Variants in ZNF729 observed in about 807,000 individuals in gnomAD.
ZNF729 encodes zinc finger protein 729.
A neutral mutation model predicts 12.2 loss-of-function variants in ZNF729; 15 were observed. The ratio of observed to expected loss-of-function variants is 1.23; its 90% CI spans 0.82 to 1.89. The LOEUF is 1.89. Among genes scored for constraint, ZNF729 ranks in the 40% most tolerant of loss-of-function variants. ZNF729 has a pLI of 0.00. For missense variants in ZNF729, 1,540 were observed against 1,456.7 expected (o/e 1.06, Z -0.93); for synonymous variants, 492 against 476.3 (o/e 1.03, Z -0.43).
intron 3 of ZNF729, among the ~76,000 whole-genome samples, chr19:22,310,125 G>T (rs1007777826): frequency 1.3e-5 from 2 of 151,990 alleles, no homozygotes; most frequent in Non-Finnish European, 2.9e-5. Flanking sequence ...AAAGTCTAGG[G>T]TTTTCAAAGT....
Position 22,315,384 on chromosome 19 carries a change from AC to A in ZNF729, c.1968del (p.Tyr656Ter). On this transcript the variant is annotated frameshift_variant, in exon 4 of 4. Coordinates refer to ENST00000601693, the MANE Select transcript of ZNF729 (RefSeq NM_001242680.2). LOFTEE classifies it low-confidence loss of function (END_TRUNC). The stretch of plus-strand genomic sequence containing the variant: ...GCAATTCATACTGGAGAGAAACCTT[AC>A]AAATGTGAAGAATGTGGCAAAGCTT... ...HKAIHTGEKP[Y>X]KCEECGKAFS... is the part of the protein sequence containing the mutation. The A allele has an allele frequency of 6.2e-7, 1 of 1,613,494 alleles. No individual in the cohort carries two copies. The highest frequency in any genetic ancestry group is 1.3e-5 in the African/African-American group (1 of 75,022).
intron 1 of ZNF729, among the ~76,000 whole-genome samples, chr19:22,290,347 G>A (rs1968136439): frequency 6.6e-6 from 1 of 152,192 alleles, no homozygotes; most frequent in African/African-American, 2.4e-5. Flanking sequence ...TTGTTTTGTG[G>A]TAGTTTCTAG....
intron 3 of ZNF729, among the ~76,000 whole-genome samples, chr19:22,305,006 T>G (rs937061352): frequency 6.6e-6 from 1 of 152,222 alleles, no homozygotes; most frequent in Non-Finnish European, 1.5e-5. Flanking sequence ...CCTTCAAGTT[T>G]ACAATGAGAG....
chr19:22,307,958 C>G (rs1236279163), intron 3 of ZNF729, among the ~76,000 whole-genome samples: 1 of 151,618 alleles, frequency 6.6e-6, no homozygotes, highest in African/African-American at 2.4e-5. Flanking sequence ...GTTTTATGCA[C>G]TCATCACCCG....
At chr19:22,291,379 C>T (rs1327894360) in intron 1 of ZNF729, among the ~76,000 whole-genome samples, 1 of 152,102 alleles carries the variant, frequency 6.6e-6, no homozygotes, top group Non-Finnish European at 1.5e-5. Context: ...ACAGGATTCC[C>T]ACCTTCTTAC....
Position 22,315,723 on chromosome 19 carries a change from A to G in ZNF729, c.2306A>G (p.Lys769Arg), listed in dbSNP as rs771737512. The change falls in exon 4 of 4, where the codon AAA becomes AGA. Residue 769 changes from lysine (K) to arginine (R), a missense_variant. By Grantham distance (26) the Lys-to-Arg change is conservative. Transcript: ENST00000601693. ...ATTCATACTAGGGAGAAATTGTACA[A>G]ATGTGAAGAATGTGTCAAAGCTTTT... ...KVIHTREKLY[K>R]CEECVKAFNS... 11 of 1,605,602 alleles carry G rather than the reference A, an allele frequency of 6.9e-6. No homozygotes were observed. In the African/African-American group the frequency reaches 9.4e-5, roughly 14 times the overall value.
rs1968548639 is a variant in ZNF729, at chr19:22,316,673, A to G, written c.3256A>G (p.Lys1086Glu). ...ATGTGAAGAATGTGACAAAGCTTTTAAGCATTTCTCAGCCCTTAGAAAACA... is the reference window on the plus strand; with the variant it reads ...ATGTGAAGAATGTGACAAAGCTTTTGAGCATTTCTCAGCCCTTAGAAAACA... ...CKCEECDKAF[K>E]HFSALRKHKV... Residue 1086 changes from lysine (K) to glutamate (E), a missense_variant, in exon 4 of 4, where the codon AAG becomes GAG. By Grantham distance (56) the Lys-to-Glu change is moderately conservative. Coordinates refer to ENST00000601693, the MANE Select transcript of ZNF729 (RefSeq NM_001242680.2). 1 of 1,612,602 alleles carries G rather than the reference A, an allele frequency of 6.2e-7. No individual in the cohort carries two copies. Among genetic ancestry groups the G allele is most frequent in the Non-Finnish European group, 8.5e-7 (1 of 1,179,746 alleles).
intron 3 of ZNF729, among the ~76,000 whole-genome samples, chr19:22,309,907 T>C (rs1968430386): frequency 6.6e-6 from 1 of 152,012 alleles, no homozygotes; most frequent in African/African-American, 2.4e-5. Flanking sequence ...TAGTTTTCCT[T>C]GTAGAGATCT....
rs898060914 is a variant in ZNF729 at position 22,316,009 on chromosome 19, C to T, written c.2592C>T (p.Ser864=). 1 of 1,610,426 alleles carries T rather than the reference C, an allele frequency of 6.2e-7. No homozygotes were observed. Among genetic ancestry groups the T allele is most frequent in the African/African-American group, 1.3e-5 (1 of 74,560 alleles). The change falls in exon 4 of 4, where the codon TCC becomes TCT. Residue 864 remains serine (S), a synonymous_variant. Coordinates refer to ENST00000601693, the MANE Select transcript of ZNF729 (RefSeq NM_001242680.2). ...CEECGKAFSQ[S]SSLRKHEIIH... ...AATGTGGCAAAGCTTTTAGCCAATC[C>T]TCATCCCTTAGAAAACATGAGATAA...
intron 3 of ZNF729, among the ~76,000 whole-genome samples, chr19:22,307,316 ATTTTTTTTTTTTTT>A (rs35650592): frequency 1.0e-5 from 1 of 95,298 alleles, no homozygotes; most frequent in East Asian, 3.2e-4. Context: ...ACAATGTAGC[ATTTTTTTTTTTTTT>A]TTTTTTTTTT....
chr19:22,294,445 T>G (rs2145042869), intron 1 of ZNF729, among the ~76,000 whole-genome samples: 1 of 152,266 alleles, frequency 6.6e-6, no homozygotes, highest in African/African-American at 2.4e-5. Flanking sequence ...CCTTGGCTAC[T>G]CGGGCTCTTT....
In ZNF729 at chr19:22,316,509, A is replaced by C; in HGVS notation, c.3092A>C (p.Asn1031Thr). The change falls in exon 4 of 4, where the codon AAT becomes ACT. Residue 1031 changes from asparagine (N) to threonine (T), a missense_variant. By Grantham distance (65) the Asn-to-Thr change is moderately conservative. Coordinates refer to ENST00000601693, the MANE Select transcript of ZNF729 (RefSeq NM_001242680.2). Reference protein sequence around the residue: ...KCEECVKAFNNFSALMKHKII... With the variant: ...KCEECVKAFNTFSALMKHKII... ...GAAGAATGTGTCAAAGCTTTTAACAATTTCTCAGCCCTTATGAAACATAAG... is the reference window on the plus strand; with the variant it reads ...GAAGAATGTGTCAAAGCTTTTAACACTTTCTCAGCCCTTATGAAACATAAG... 1.2e-6 allele frequency: 2 copies of C among 1,613,584 alleles called. No individual in the cohort carries two copies. Among genetic ancestry groups the C allele is most frequent in the Non-Finnish European group, 1.7e-6 (2 of 1,179,678 alleles).
intron 1 of ZNF729, among the ~76,000 whole-genome samples, chr19:22,297,444 G>C (rs116416141): frequency 0.016 from 2,410 of 151,808 alleles, 77 homozygotes; most frequent in African/African-American, 0.055. Flanking sequence ...TTAGAAATAA[G>C]AGGATTTATT....
intron 1 of ZNF729, among the ~76,000 whole-genome samples, chr19:22,290,383 A>G (rs1003192893): frequency 6.6e-6 from 1 of 152,204 alleles, no homozygotes; most frequent in African/African-American, 2.4e-5. Context: ...ACAAAGTTAG[A>G]TTTATGTTGG....
In ZNF729 at chr19:22,304,766, T is replaced by C; in HGVS notation, c.236T>C (p.Met79Thr). ...KEPWNMKRHEMVTKPPVMRSH... is the reference protein window; with the variant it reads ...KEPWNMKRHETVTKPPVMRSH... ...CCTTGGAATATGAAGAGACATGAGA[T>C]GGTAACTAAACCCCCAGGTATGTGA... is the stretch of plus-strand genomic sequence containing the variant. Residue 79 changes from methionine to threonine, a missense_variant, in exon 3 of 4, where the codon ATG (methionine) becomes ACG (threonine). Met to Thr is a moderately conservative substitution (Grantham distance 81). Transcript: ENST00000601693. 2.5e-6 allele frequency: 4 copies of C among 1,612,864 alleles called. No homozygotes were observed. The highest frequency in any genetic ancestry group is 1.7e-4 in the Middle Eastern group (1 of 6,056).
At chr19:22,293,494 A>ATTCTTTTTTTTTTTT (rs1968182714) in intron 1 of ZNF729, among the ~76,000 whole-genome samples, 1 of 96,066 alleles carries the variant, frequency 1.0e-5, no homozygotes, top group Non-Finnish European at 1.9e-5. Context: ...CCTTTTGTCT[A>ATTCTTTTTTTTTTTT]TTTTTTTTTT....
intron 1 of ZNF729, among the ~76,000 whole-genome samples, chr19:22,301,424 G>C (rs887056090): frequency 7.3e-6 from 1 of 137,588 alleles, no homozygotes; most frequent in Non-Finnish European, 1.6e-5. Context: ...TAGTGTCTAT[G>C]ATGAGATCTC....
chr19:22,290,139 G>C (rs1024983701), intron 1 of ZNF729, among the ~76,000 whole-genome samples: 12 of 152,178 alleles, frequency 7.9e-5, no homozygotes, highest in African/African-American at 2.9e-4. Context: ...CCTGCAAAAG[G>C]AAGTTATTAA....
At chr19:22,292,286 T>C (rs1427435165) in intron 1 of ZNF729, among the ~76,000 whole-genome samples, 4 of 152,194 alleles carry the variant, frequency 2.6e-5, no homozygotes, top group Admixed American at 2.6e-4. Flanking sequence ...AATGAGAACA[T>C]GCATTTGGTT....
Sources: allele counts gnomAD v4.1 joint callset (sites outside exome capture counted in the v4.1 genomes callset), GRCh38; gene constraint gnomAD v4.1.1; transcripts MANE v1.5; gene names NCBI Gene and HGNC (gene_info 2026-07-23, HGNC 2026-07-21).